Variants in CRYBG2 observed in about 807,000 individuals in gnomAD.
CRYBG2 encodes the protein crystallin beta-gamma domain containing 2.
A neutral mutation model predicts 153.4 loss-of-function variants in CRYBG2; 106 were observed. That is an observed-to-expected ratio of 0.69 (90% CI 0.59 to 0.81). The LOEUF is 0.81. Ranked by LOEUF, CRYBG2 falls within the 30% of genes least tolerant of loss-of-function variation. CRYBG2 has a pLI of 0.00. For synonymous variants in CRYBG2, 851 were observed against 877.8 expected, an observed-to-expected ratio of 0.97 and a Z score of 0.54; for missense variants, 1,996 against 2,112.0, an observed-to-expected ratio of 0.95 and a Z score of 1.08.
rs996748474 is a variant in CRYBG2, at chr1:26,345,262, C to T, written c.1396G>A (p.Gly466Ser). Reference protein sequence around the residue: ...LPFTQREVVKGPGAPAASSPT... With the variant: ...LPFTQREVVKSPGAPAASSPT... The stretch of plus-strand genomic sequence containing the variant: ...GATGAGGCAGCAGGAGCACCGGGGC[C>T]CTTCACGACCTCCCTCTGGGTAAAG... The change falls in exon 2 of 20, where the codon GGC becomes AGC. Residue 466 changes from glycine to serine, a missense_variant. Coordinates refer to ENST00000308182, the MANE Select transcript of CRYBG2 (RefSeq NM_001039775.4). 6.2e-7 allele frequency: 1 copy of T among 1,612,442 alleles called. No homozygotes were observed. The highest frequency in any genetic ancestry group is 1.3e-5 in the African/African-American group (1 of 75,036).
intron 14 of CRYBG2, among the ~76,000 whole-genome samples, chr1:26,332,394 G>T (rs2074008003): frequency 1.3e-5 from 2 of 151,734 alleles, no homozygotes; most frequent in African/African-American, 2.4e-5. Flanking sequence ...GATATAAAGT[G>T]ATCTCCAAAC....
Position 26,343,832 on chromosome 1 carries a change from C to T in CRYBG2, c.2826G>A (p.Arg942=), listed in dbSNP as rs1250555530. ...ALLPHGAPGL[R]KVPGQLPLLC... is the part of the protein sequence containing the mutation. ...GCAGGGGCAACTGTCCTGGCACCTT[C>T]CTGAGCCCCGGTGCCCCATGGGGCA... The change falls in exon 2 of 20, where the codon AGG becomes AGA. Residue 942 remains arginine, a synonymous_variant. Transcript: ENST00000308182. This position sits in a 1 kb window ranked among gnomAD's most constrained non-coding sequence, Gnocchi z 4.1. 4 of 1,467,866 alleles carry T rather than the reference C, an allele frequency of 2.7e-6. No homozygotes were observed. The highest frequency in any genetic ancestry group is 3.6e-6 in the Non-Finnish European group (4 of 1,106,904). 90.9% of individuals were successfully genotyped at this position (1,467,866 alleles called of 1,614,324 possible).
At chr1:26,337,093 C>T (rs541296848) in intron 10 of CRYBG2, 113 bp from the exon 11 acceptor site, 13 of 1,558,024 alleles carry the variant, frequency 8.3e-6, no homozygotes, top group Admixed American at 7.2e-5. Context: ...GCTGTCAGTA[C>T]GACCTGGAGA....
chr1:26,336,924 G>A lies in CRYBG2; in HGVS notation c.3828C>T (p.Gly1276=), dbSNP rs1217901586. 6.2e-7 allele frequency: 1 copy of A among 1,613,056 alleles called. No individual in the cohort carries two copies. The highest frequency in any genetic ancestry group is 2.2e-5 in the East Asian group (1 of 44,842). The change falls in exon 11 of 20, where the codon GGC becomes GGT. Residue 1276 remains glycine, a synonymous_variant. Transcript: ENST00000308182. The surrounding 1 kb of genome is among the most constrained non-coding windows in gnomAD (Gnocchi z 4.9). ...LFEAMDFEGH[G]VEVSKALPDV... is the part of the protein sequence containing the mutation. Reference sequence around the variant, plus strand: ...CCGGCAATGCCTTGCTCACCTCCACGCCGTGCCCCTCGAAGTCCATGGCCT... The same window carrying A: ...CCGGCAATGCCTTGCTCACCTCCACACCGTGCCCCTCGAAGTCCATGGCCT...
At chr1:26,327,566 T>C (rs1451282055) in intron 17 of CRYBG2, among the ~76,000 whole-genome samples, 1 of 152,020 alleles carries the variant, frequency 6.6e-6, no homozygotes, top group Non-Finnish European at 1.5e-5. Context: ...GGAGAATCAC[T>C]TGAATCTGGG....
At chr1:26,330,497 A>G (rs2073986171) in intron 15 of CRYBG2, among the ~76,000 whole-genome samples, 1 of 148,952 alleles carries the variant, frequency 6.7e-6, no homozygotes, top group East Asian at 2.0e-4. Context: ...ACCTCTTAGC[A>G]TTGTGGAGAA....
At chr1:26,350,963 G>A (rs2074280055) in intron 1 of CRYBG2, among the ~76,000 whole-genome samples, 1 of 152,110 alleles carries the variant, frequency 6.6e-6, no homozygotes, top group African/African-American at 2.4e-5. Context: ...CCACAGCAGT[G>A]ACTCAGGCTT....
intron 15 of CRYBG2, among the ~76,000 whole-genome samples, chr1:26,329,129 C>T (rs979399787): frequency 1.3e-5 from 2 of 151,716 alleles, no homozygotes; most frequent in African/African-American, 4.8e-5. Flanking sequence ...TCAGAACTAA[C>T]CTGGCACTCT....
At chr1:26,349,100 C>T (rs1258736569) in intron 1 of CRYBG2, among the ~76,000 whole-genome samples, 9 of 151,850 alleles carry the variant, frequency 5.9e-5, no homozygotes, top group South Asian at 4.2e-4. Context: ...ACCTGGGGGG[C>T]GGAGGTTGCA....
chr1:26,343,958 G>A lies in CRYBG2; in HGVS notation c.2700C>T (p.Pro900=), dbSNP rs1479069763. 2.0e-6 allele frequency: 3 copies of A among 1,537,652 alleles called. No individual in the cohort carries two copies. The highest frequency in any genetic ancestry group is 2.6e-6 in the Non-Finnish European group (3 of 1,146,594). ...LGLELQGGSR[P]TSRLGGSLLF... ...GAAGGCTGCCTCCAAGACGGGAAGT[G>A]GGCCTGCTGCCTCCCTGCAGTTCCA... Residue 900 remains proline (P), a synonymous_variant, in exon 2 of 20, where the codon CCC becomes CCT. Transcript: ENST00000308182. The surrounding 1 kb of genome is among the most constrained non-coding windows in gnomAD (Gnocchi z 4.1).
chr1:26,338,987 G>A (rs11247920), intron 6 of CRYBG2, among the ~76,000 whole-genome samples: 57,290 of 152,074 alleles, frequency 0.38, 11,398 homozygotes, highest in Middle Eastern at 0.48. Flanking sequence ...GGGATACAGT[G>A]GTGAACAAGC....
Position 26,330,360 on chromosome 1 carries a change from G to C in CRYBG2, c.4314+1129C>G, listed in dbSNP as rs143922549. ...TGTCGTCAGAGCCCAGCGTGTCATTGCAAGGGACTTGGACCCCAGAACCAG... is the reference window on the plus strand; with the variant it reads ...TGTCGTCAGAGCCCAGCGTGTCATTCCAAGGGACTTGGACCCCAGAACCAG... On this transcript the variant is annotated intron_variant, in intron 15 of 19. Transcript: ENST00000308182. Among the ~76,000 whole-genome samples, 15 of 152,196 alleles carry C rather than the reference G, an allele frequency of 9.9e-5. 1 individual carries two copies. In the East Asian group the frequency reaches 2.9e-3, roughly 29 times the overall value.
intron 14 of CRYBG2, among the ~76,000 whole-genome samples, chr1:26,333,061 G>C (rs1342361188): frequency 1.0e-5 from 1 of 98,908 alleles, no homozygotes; most frequent in Admixed American, 1.0e-4. Context: ...TCTAACAGCG[G>C]GAGAGAGGGA....
chr1:26,328,629 G>A, intron 16 of CRYBG2, 105 bp downstream of exon 16: 2 of 1,472,898 alleles, frequency 1.4e-6, no homozygotes, highest in South Asian at 2.7e-5. Flanking sequence ...GGGAGTGGGG[G>A]AAAAGTGGGG....
In CRYBG2 at chr1:26,345,391, A is replaced by T; in HGVS notation, c.1267T>A (p.Ser423Thr). The T allele has an allele frequency of 6.2e-7, 1 of 1,613,024 alleles. No homozygotes were observed. Among genetic ancestry groups the T allele is most frequent in the Non-Finnish European group, 8.5e-7 (1 of 1,179,762 alleles). ...VTVPGQPPAP[S>T]TTRRKDVPSP... ...GGGACATCCTTCCTTCTTGTAGTGGATGGAGCAGGAGGTTGTCCAGGGACT... is the reference window on the plus strand; with the variant it reads ...GGGACATCCTTCCTTCTTGTAGTGGTTGGAGCAGGAGGTTGTCCAGGGACT... Residue 423 changes from serine (S) to threonine (T), a missense_variant, in exon 2 of 20, where the codon TCC (serine) becomes ACC (threonine). By Grantham distance (58) the Ser-to-Thr change is moderately conservative (BLOSUM62 1). Transcript: ENST00000308182.
chr1:26,342,703 G>T, intron 5 of CRYBG2, 51 bp downstream of exon 5: 1 of 1,594,122 alleles, frequency 6.3e-7, no homozygotes, highest in African/African-American at 1.3e-5. Context: ...CTGGCCTCGG[G>T]GATTTCAACT....
chr1:26,340,439 CTTGG>C (rs1187253275), intron 5 of CRYBG2, among the ~76,000 whole-genome samples: 1 of 152,156 alleles, frequency 6.6e-6, no homozygotes, highest in East Asian at 1.9e-4. Flanking sequence ...CTCCCATGTG[CTTGG>C]CATACAACAG....
Position 26,339,344 on chromosome 1 carries a change from G to A in CRYBG2, c.3290C>T (p.Ser1097Phe). 6.2e-7 allele frequency: 1 copy of A among 1,614,216 alleles called. No homozygotes were observed. Among genetic ancestry groups the A allele is most frequent in the Non-Finnish European group, 8.5e-7 (1 of 1,180,036 alleles). ...QVKLTEALKN[S>F]QGLEKPLQVA... is the part of the protein sequence containing the mutation. ...CTGCAGGGGCTTCTCCAGACCCTGG[G>A]AATTCTTCAAGGCCTCTGTTAGCTT... Residue 1097 changes from serine (S) to phenylalanine (F), a missense_variant, in exon 6 of 20, where the codon TCC becomes TTC. Transcript: ENST00000308182.
chr1:26,331,273 G>C (rs1009053834), intron 15 of CRYBG2, among the ~76,000 whole-genome samples: 3 of 152,214 alleles, frequency 2.0e-5, no homozygotes, highest in African/African-American at 7.2e-5. Context: ...GGCTGTGTCT[G>C]ATTTCTTTCC....
Sources: allele counts gnomAD v4.1 joint callset (sites outside exome capture counted in the v4.1 genomes callset), GRCh38; gene constraint gnomAD v4.1.1; non-coding constraint Gnocchi (gnomAD v3.1); transcripts MANE v1.5; gene names NCBI Gene and HGNC (gene_info 2026-07-23, HGNC 2026-07-21).